The following LY96 variants were observed in gnomAD, a reference collection of about 807,000 sequenced individuals.
The protein encoded by LY96 is lymphocyte antigen 96.
LY96 carries 18 observed loss-of-function variants against 18.9 expected under a neutral mutation model. The observed-to-expected ratio is 0.95, with a 90% CI of 0.66 to 1.41. The LOEUF is 1.41. Ranked by LOEUF, LY96 falls within the 40% of genes most tolerant of loss-of-function variation. The pLI, the probability that LY96 is intolerant of heterozygous loss-of-function variation, is 0.00. For missense variants in LY96, 175 were observed against 182.4 expected, an observed-to-expected ratio of 0.96 and a Z score of 0.23; for synonymous variants, 66 against 62.6, an observed-to-expected ratio of 1.06 and a Z score of -0.26.
At chr8:74,054,539 C>G in the LY96 span, among the ~76,000 whole-genome samples, 10 of 140,232 alleles carry the variant, frequency 7.1e-5, no homozygotes, top group Non-Finnish European at 1.5e-4. Context: ...TTCCTTCCTT[C>G]CTTCCTTCCT....
At chr8:74,065,659 T>A in the LY96 span, among the ~76,000 whole-genome samples, 1 of 152,180 alleles carries the variant, frequency 6.6e-6, no homozygotes, top group Non-Finnish European at 1.5e-5. Flanking sequence ...GGTTTCCTCA[T>A]CTATAAATGA....
the LY96 span, among the ~76,000 whole-genome samples, chr8:74,068,087 A>ATATTT: frequency 1.1e-5 from 1 of 93,072 alleles, no homozygotes; most frequent in African/African-American, 6.9e-5. Flanking sequence ...AAAAAAAAAA[A>ATATTT]AAATATATAT....
intron 1 of LY96, among the ~76,000 whole-genome samples, chr8:73,996,561 C>G (rs1018932026): frequency 6.6e-6 from 1 of 151,686 alleles, no homozygotes; most frequent in Non-Finnish European, 1.5e-5. Context: ...GGGACTACAG[C>G]CATGCATCAC....
intron 3 of LY96, among the ~76,000 whole-genome samples, chr8:74,024,807 T>C (rs908140351): frequency 2.0e-5 from 3 of 152,138 alleles, no homozygotes; most frequent in Non-Finnish European, 4.4e-5. Context: ...TTTTTGGTTT[T>C]TAAAAATTTT....
At chr8:74,090,364 A>G in the LY96 span, among the ~76,000 whole-genome samples, 1 of 152,232 alleles carries the variant, frequency 6.6e-6, no homozygotes, top group African/African-American at 2.4e-5. Flanking sequence ...TTAATGAACC[A>G]GGGAGCAAAT....
chr8:74,013,961 A>C (rs1586655280), intron 3 of LY96, among the ~76,000 whole-genome samples: 1 of 152,010 alleles, frequency 6.6e-6, no homozygotes, highest in East Asian at 1.9e-4. Context: ...ATATGGCAGG[A>C]GGTGGGGGTA....
At chr8:74,077,350 G>C in the LY96 span, among the ~76,000 whole-genome samples, 2 of 152,294 alleles carry the variant, frequency 1.3e-5, no homozygotes, top group African/African-American at 4.8e-5. Context: ...AATTCCAAGG[G>C]TTTTAGGAGT....
At chr8:74,063,653 CTATT>C in the LY96 span, among the ~76,000 whole-genome samples, 4 of 151,926 alleles carry the variant, frequency 2.6e-5, no homozygotes, top group African/African-American at 4.8e-5. Context: ...TATAATATAT[CTATT>C]TATTTAGATC....
the LY96 span, among the ~76,000 whole-genome samples, chr8:74,044,269 A>T: frequency 5.3e-5 from 8 of 151,288 alleles, 1 homozygote; most frequent in African/African-American, 1.9e-4. Flanking sequence ...GTAACCTCCA[A>T]CTCCTAGGCT....
intron 1 of LY96, among the ~76,000 whole-genome samples, chr8:73,998,554 G>A (rs1816197517): frequency 6.6e-6 from 1 of 152,032 alleles, no homozygotes; most frequent in Non-Finnish European, 1.5e-5. Context: ...GTGGTGGCAT[G>A]CACCTGTAGT....
the LY96 span, among the ~76,000 whole-genome samples, chr8:74,069,093 T>C: frequency 6.6e-6 from 1 of 152,256 alleles, no homozygotes; most frequent in African/African-American, 2.4e-5. Context: ...GCCAGAGTTT[T>C]AATAATCTTT....
chr8:74,094,480 C>T, the LY96 span, among the ~76,000 whole-genome samples: 1 of 152,124 alleles, frequency 6.6e-6, no homozygotes, highest in Non-Finnish European at 1.5e-5. Flanking sequence ...CTTCCTTGGA[C>T]ATTATTCATG....
At chr8:74,065,716 A>T in the LY96 span, among the ~76,000 whole-genome samples, 1 of 152,250 alleles carries the variant, frequency 6.6e-6, no homozygotes, top group African/African-American at 2.4e-5. Flanking sequence ...GATGATAAAG[A>T]CAGAGTGTAT....
intron 3 of LY96, among the ~76,000 whole-genome samples, chr8:74,018,346 A>G (rs1816687363): frequency 6.6e-6 from 1 of 152,260 alleles, no homozygotes; most frequent in Admixed American, 6.5e-5. Flanking sequence ...ATAAAGGTAA[A>G]GGGATCAATT....
At chr8:74,069,544 A>G in the LY96 span, among the ~76,000 whole-genome samples, 1 of 152,068 alleles carries the variant, frequency 6.6e-6, no homozygotes, top group Non-Finnish European at 1.5e-5. Context: ...TCCACCTAAC[A>G]CTTTTAAACT....
At chr8:74,000,894 A>G (rs993654597) in intron 1 of LY96, among the ~76,000 whole-genome samples, 1 of 152,138 alleles carries the variant, frequency 6.6e-6, no homozygotes, top group Non-Finnish European at 1.5e-5. Flanking sequence ...AGGGGTGGGG[A>G]AGGAGGCTAT....
chr8:74,003,009 A>G (rs1816330972), intron 1 of LY96, among the ~76,000 whole-genome samples: 1 of 152,204 alleles, frequency 6.6e-6, no homozygotes, highest in South Asian at 2.1e-4. Flanking sequence ...CTGTCAGGTA[A>G]ATCATATAAC....
At chr8:74,072,927 A>G in the LY96 span, among the ~76,000 whole-genome samples, 21 of 152,246 alleles carry the variant, frequency 1.4e-4, no homozygotes, top group African/African-American at 4.8e-4. Context: ...ATATATACAC[A>G]TATAAGGATT....
the LY96 span, among the ~76,000 whole-genome samples, chr8:74,073,733 A>T: frequency 2.4e-3 from 367 of 151,996 alleles, 1 homozygote; most frequent in African/African-American, 8.4e-3. Flanking sequence ...GCGCAATCTC[A>T]GCTCACTGCA....
Sources: allele counts gnomAD v4.1 joint callset (sites outside exome capture counted in the v4.1 genomes callset), GRCh38; gene constraint gnomAD v4.1.1; transcripts MANE v1.5; gene names NCBI Gene and HGNC (gene_info 2026-07-23, HGNC 2026-07-21).